The following CSGALNACT1 variants were observed in gnomAD, a reference collection of about 807,000 sequenced individuals.
CSGALNACT1 encodes the protein chondroitin sulfate N-acetylgalactosaminyltransferase 1, also known as beta4GalNAcT-1.
In CSGALNACT1, 52 loss-of-function variants were observed where a neutral mutation model predicts 51.0. That is an observed-to-expected ratio of 1.02 (90% CI 0.82 to 1.29). CSGALNACT1 has a LOEUF of 1.29. CSGALNACT1 is among the 50% of genes most tolerant of loss of function. CSGALNACT1 has a pLI of 0.00. For missense variants in CSGALNACT1, 935 were observed against 679.2 expected, an observed-to-expected ratio of 1.38 and a Z score of -4.19; for synonymous variants, 341 against 254.4, an observed-to-expected ratio of 1.34 and a Z score of -3.24.
intron 1 of CSGALNACT1, among the ~76,000 whole-genome samples, chr8:19,716,783 C>T (rs969472309): frequency 4.0e-5 from 6 of 150,120 alleles, no homozygotes; most frequent in African/African-American, 1.5e-4. Context: ...CGGAGTGAGA[C>T]TTTTTCTCAA....
chr8:19,420,631 G>A, intron 6 of CSGALNACT1, 113 bp from the exon 6 acceptor site: 1 of 1,117,576 alleles, frequency 8.9e-7, no homozygotes. Context: ...TTTGTAACCT[G>A]AGGGCACTGG....
intron 4 of CSGALNACT1, among the ~76,000 whole-genome samples, chr8:19,493,347 G>A (rs114636880): frequency 9.9e-5 from 15 of 152,222 alleles, no homozygotes; most frequent in East Asian, 3.9e-4. Context: ...TAAAATTCAC[G>A]TCACACAATT....
exon 2 of CSGALNACT1, chr8:19,601,861 G>C (rs1414578061): frequency 4.4e-6 from 2 of 453,738 alleles, no homozygotes; most frequent in African/African-American, 4.0e-5. Flanking sequence ...GAAATAGGAA[G>C]GCAGCTAAAA....
intron 1 of CSGALNACT1, among the ~76,000 whole-genome samples, chr8:19,662,081 C>CCCCCCCCCCCCCCCCCCCCA (rs1589344812): frequency 2.0e-5 from 2 of 97,900 alleles, no homozygotes; most frequent in Non-Finnish European, 2.3e-5. Flanking sequence ...CCCACCCCCC[C>CCCCCCCCCCCCCCCCCCCCA]CCCCCCCCGC....
intron 1 of CSGALNACT1, among the ~76,000 whole-genome samples, chr8:19,733,176 T>G (rs2063781063): frequency 6.6e-6 from 1 of 152,242 alleles, no homozygotes; most frequent in Non-Finnish European, 1.5e-5. Flanking sequence ...CTGTTTCTTT[T>G]GTTTTACATA....
intron 3 of CSGALNACT1, among the ~76,000 whole-genome samples, chr8:19,556,732 C>T (rs555683970): frequency 6.6e-6 from 1 of 152,060 alleles, no homozygotes; most frequent in Non-Finnish European, 1.5e-5. Flanking sequence ...GTGCCAACAC[C>T]CAGAGCTTCC....
intron 1 of CSGALNACT1, among the ~76,000 whole-genome samples, chr8:19,674,353 A>T (rs1199516250): frequency 6.6e-6 from 1 of 152,136 alleles, no homozygotes; most frequent in Non-Finnish European, 1.5e-5. Flanking sequence ...ATAAGAGGGG[A>T]TCAAGAGGAA....
rs747590058 is a variant in CSGALNACT1, at chr8:19,404,462, A to G, written c.*1318T>C. On this transcript the variant is annotated 3_prime_UTR_variant, in exon 10 of 10. Transcript: ENST00000454498. ...AAAAATAGTTTGAAATGGTAATAAA[A>G]TGCAATTTTCAGAAGCATCTTGGTG... The G allele has an allele frequency of 1.1e-4, 51 of 453,586 alleles. 1 individual carries two copies. The highest frequency in any genetic ancestry group is 1.0e-3 in the African/African-American group (51 of 50,132). The allele number at this position is 453,586 out of a possible 1,614,324, so 28.1% of individuals were successfully genotyped here.
At chr8:19,497,904 G>A (rs909246039) in intron 4 of CSGALNACT1, among the ~76,000 whole-genome samples, 5 of 152,058 alleles carry the variant, frequency 3.3e-5, no homozygotes, top group Admixed American at 2.6e-4. Context: ...ACCTAAGACC[G>A]GGAAGCCCCC....
rs961837620 is a variant in CSGALNACT1, at chr8:19,569,564, A to T, written c.-297+21596T>A. Among the ~76,000 whole-genome samples the T allele has an allele frequency of 7.2e-5, 11 of 152,184 alleles. 1 individual carries two copies. The highest frequency in any genetic ancestry group is 7.2e-4 in the Admixed American group (11 of 15,284). On this transcript the variant is annotated intron_variant, in intron 3 of 9. Coordinates refer to ENST00000454498, the Ensembl canonical transcript of CSGALNACT1. Reference sequence around the variant, plus strand: ...ATTAGAGCTAGCACTTTTTTTTAGCATTACGAGTTGGTTGTTGACAATACC... The same window carrying T: ...ATTAGAGCTAGCACTTTTTTTTAGCTTTACGAGTTGGTTGTTGACAATACC...
intron 1 of CSGALNACT1, among the ~76,000 whole-genome samples, chr8:19,665,452 G>T (rs560562488): frequency 3.3e-5 from 5 of 152,114 alleles, no homozygotes; most frequent in Admixed American, 2.0e-4. Context: ...CTCAGAAGGA[G>T]TAAGAGGCAA....
At position 19,755,575 on chromosome 8, in the gene CSGALNACT1, G is replaced by GAAT. The variant is rs575564936; in HGVS notation, c.-297+2272_-297+2274dup. 1.0e-3 allele frequency among the ~76,000 whole-genome samples: 158 copies of GAAT among 151,234 alleles called. 1 individual carries two copies. The Middle Eastern group carries it at 0.017, about 17-fold the overall frequency. Reference sequence around the variant, plus strand: ...CTGCTAAACATCTCTATAAGGTGAGGAATACTATTGGCATTTTACAAATTA... The same window carrying GAAT: ...CTGCTAAACATCTCTATAAGGTGAGGAATAATACTATTGGCATTTTACAAATTA... On this transcript the variant is annotated intron_variant, in intron 1 of 1. Transcript: ENST00000517494.
chr8:19,678,260 G>A (rs2060342096), intron 1 of CSGALNACT1, among the ~76,000 whole-genome samples: 1 of 152,124 alleles, frequency 6.6e-6, no homozygotes, highest in Non-Finnish European at 1.5e-5. Flanking sequence ...CTAACAAGAA[G>A]TATCCAGACA....
chr8:19,729,588 A>T (rs1378708054), intron 1 of CSGALNACT1, among the ~76,000 whole-genome samples: 1 of 152,222 alleles, frequency 6.6e-6, no homozygotes, highest in Non-Finnish European at 1.5e-5. Context: ...CTTTTAACTT[A>T]GAGAGCCTAG....
chr8:19,535,092 G>C (rs184429870), intron 3 of CSGALNACT1, among the ~76,000 whole-genome samples: 9 of 152,216 alleles, frequency 5.9e-5, no homozygotes, highest in Admixed American at 5.2e-4. Flanking sequence ...TCTGTGCTGA[G>C]AGAAAGAATG....
upstream of CSGALNACT1, among the ~76,000 whole-genome samples, chr8:19,604,269 T>A (rs1000555409): frequency 2.0e-5 from 3 of 152,040 alleles, no homozygotes; most frequent in African/African-American, 4.8e-5. Context: ...TACCAGCTAA[T>A]GAGAAGTGGG....
rs754863716 is a variant in CSGALNACT1, at chr8:19,418,695, G to A, written c.1188C>T (p.Tyr396=). 3.3e-5 allele frequency: 54 copies of A among 1,613,108 alleles called. No homozygotes were observed. Among genetic ancestry groups the A allele is most frequent in the South Asian group, 3.2e-4 (29 of 91,058 alleles). Residue 396 remains tyrosine (Y), a synonymous_variant, in exon 8 of 10, where the codon TAC becomes TAT. Coordinates refer to ENST00000454498, the Ensembl canonical transcript of CSGALNACT1. ...AGGGAGGGACTGCATCATGGTGGCC[G>A]TATATTATGCCAGGATTGTACTGAC...
rs577450036 is a variant in CSGALNACT1 at position 19,405,592 on chromosome 8, C to T, written c.*188G>A. ...ACAGGGTGCAACTGGGTTACTTTTG[C>T]AGGCAAAGCGGAGATTTTGATTTCT... On this transcript the variant is annotated 3_prime_UTR_variant, in exon 10 of 10. Coordinates refer to ENST00000454498, the Ensembl canonical transcript of CSGALNACT1. 6.7e-5 allele frequency: 54 copies of T among 808,566 alleles called. No homozygotes were observed. The African/African-American group carries it at 9.0e-4, about 13-fold the overall frequency. The allele number at this position is 808,566 out of a possible 1,614,324, so 50.1% of individuals were successfully genotyped here.
intron 1 of CSGALNACT1, among the ~76,000 whole-genome samples, chr8:19,619,385 G>A (rs371602893): frequency 5.3e-4 from 81 of 152,220 alleles, no homozygotes; most frequent in African/African-American, 1.9e-3. Flanking sequence ...AGAGGAGGCT[G>A]GGAACCTCTG....
Sources: gnomAD v4.1 joint callset for allele counts (sites outside exome capture counted in the v4.1 genomes callset) on GRCh38, gnomAD v4.1.1 for gene constraint, MANE v1.5 for transcripts, NCBI Gene and HGNC (gene_info 2026-07-23, HGNC 2026-07-21) for gene names.